AOAH: variants seen among roughly 807,000 people sequenced by gnomAD.
AOAH encodes acyloxyacyl hydrolase.
Under a neutral mutation model 92.2 loss-of-function variants are expected in AOAH, and 64 were observed. That is an observed-to-expected ratio of 0.69 (90% CI 0.57 to 0.86). The LOEUF (loss-of-function observed/expected upper bound fraction) is 0.86. Ranked by LOEUF, AOAH falls within the 40% of genes least tolerant of loss-of-function variation. AOAH has a pLI of 0.00. For missense variants in AOAH, 656 were observed against 694.6 expected (o/e 0.94, Z 0.62); for synonymous variants, 263 against 254.5 (o/e 1.03, Z -0.32).
At position 36,645,224 on chromosome 7, in the gene AOAH, C is replaced by T. The variant is rs192233781; in HGVS notation, c.391-7314G>A. 8.1e-4 allele frequency among the ~76,000 whole-genome samples: 124 copies of T among 152,206 alleles called. 2 individuals carry two copies. Among genetic ancestry groups the T allele is most frequent in the African/African-American group, 2.8e-3 (117 of 41,510 alleles). Reference sequence around the variant, plus strand: ...AGTGATTAGGTCATGAGGCTGGAGCCCTCACAATGGGAGGAGTGCCCTTAT... The same window carrying T: ...AGTGATTAGGTCATGAGGCTGGAGCTCTCACAATGGGAGGAGTGCCCTTAT... On this transcript the variant is annotated intron_variant, in intron 4 of 20. Transcript: ENST00000617537.
intron 12 of AOAH, among the ~76,000 whole-genome samples, chr7:36,591,033 C>T (rs113182197): frequency 7.9e-5 from 12 of 152,330 alleles, no homozygotes; most frequent in African/African-American, 2.2e-4. Context: ...GATGCAGTGT[C>T]ATGCTGCCTC....
At chr7:36,558,627 C>A (rs936303751) in intron 13 of AOAH, among the ~76,000 whole-genome samples, 2 of 152,256 alleles carry the variant, frequency 1.3e-5, no homozygotes, top group African/African-American at 2.4e-5. Flanking sequence ...GTGGGCTCCA[C>A]CCAGTTCGAG....
chr7:36,570,446 G>A (rs962719892), intron 13 of AOAH, among the ~76,000 whole-genome samples: 2 of 152,170 alleles, frequency 1.3e-5, no homozygotes, highest in Admixed American at 6.5e-5. Flanking sequence ...TGGCTGTTGC[G>A]AAGAATGCCT....
intron 11 of AOAH, among the ~76,000 whole-genome samples, chr7:36,610,182 AAT>A: frequency 7.0e-6 from 1 of 142,470 alleles, no homozygotes; most frequent in African/African-American, 2.6e-5. Flanking sequence ...AAAAAAAAAG[AAT>A]CGGTTTAACA....
chr7:36,557,778 G>A (rs1366769911), intron 13 of AOAH, among the ~76,000 whole-genome samples: 6 of 151,958 alleles, frequency 3.9e-5, no homozygotes, highest in African/African-American at 7.2e-5. Flanking sequence ...TGATTGCATC[G>A]GCTCCTGAGG....
intron 2 of AOAH, among the ~76,000 whole-genome samples, chr7:36,685,519 G>T (rs539872338): frequency 1.0e-3 from 155 of 152,194 alleles, no homozygotes; most frequent in African/African-American, 3.4e-3. Context: ...TTCTACAGTT[G>T]TCTTGTTTTT....
At position 36,516,179 on chromosome 7, in the gene AOAH, C is replaced by CACAT. The variant is rs765992221; in HGVS notation, c.1600-2803_1600-2800dup. On this transcript the variant is annotated intron_variant, in intron 20 of 20. Transcript: ENST00000617537. This position sits in a 1 kb window ranked among gnomAD's most constrained non-coding sequence, Gnocchi z 5.0. ...CACACACACCACACACCCCATACCA[C>CACAT]ACATACATACATCTCTCTTATATAC... Among the ~76,000 whole-genome samples, 1 of 149,590 alleles carries CACAT rather than the reference C, an allele frequency of 6.7e-6. No homozygotes were observed.
At position 36,531,092 on chromosome 7, in the gene AOAH, T is replaced by C. The variant is rs74622282; in HGVS notation, c.1426-578A>G. ...TATAAACTTTAGAATGGTTACAACA[T>C]TATGGTGTGGAGAAACAATCTATGA... On this transcript the variant is annotated intron_variant, in intron 18 of 20. Transcript: ENST00000617537. Among the ~76,000 whole-genome samples the C allele has an allele frequency of 3.9e-3, 587 of 152,264 alleles. 7 individuals are homozygous for C. Among genetic ancestry groups the C allele is most frequent in the African/African-American group, 0.014 (573 of 41,538 alleles).
intron 1 of AOAH, among the ~76,000 whole-genome samples, chr7:36,695,744 C>T (rs971291835): frequency 6.6e-6 from 1 of 152,154 alleles, no homozygotes; most frequent in Non-Finnish European, 1.5e-5. Flanking sequence ...AGTATTGCTT[C>T]CAAATCTGTG....
intron 12 of AOAH, among the ~76,000 whole-genome samples, chr7:36,587,343 G>A (rs1789416921): frequency 6.6e-6 from 1 of 151,846 alleles, no homozygotes. Flanking sequence ...GTTGGAAAAG[G>A]GAGGAGCACT....
At chr7:36,722,126 G>C (rs762253251) in intron 1 of AOAH, among the ~76,000 whole-genome samples, 4 of 152,036 alleles carry the variant, frequency 2.6e-5, no homozygotes, top group African/African-American at 9.7e-5. Flanking sequence ...TCCTAACCTC[G>C]GTCACTCCTA....
intron 13 of AOAH, 26 bp from the exon 14 acceptor site, chr7:36,549,501 A>AT (rs1348913946): frequency 6.6e-7 from 1 of 1,522,400 alleles, no homozygotes; most frequent in Non-Finnish European, 9.0e-7. Context: ...TAAGAAAACA[A>AT]TTAAAGTTAG....
chr7:36,585,429 A>G (rs1296747749), intron 12 of AOAH, among the ~76,000 whole-genome samples: 1 of 152,208 alleles, frequency 6.6e-6, no homozygotes, highest in Non-Finnish European at 1.5e-5. Flanking sequence ...ATAAATTGGT[A>G]TAGCCCATTT....
chr7:36,610,254 G>A (rs964491339), intron 11 of AOAH, among the ~76,000 whole-genome samples: 1 of 147,996 alleles, frequency 6.8e-6, no homozygotes, highest in African/African-American at 2.5e-5. Flanking sequence ...GGTCATTACA[G>A]AGCAGCAATA....
rs371757400 is a variant in AOAH at position 36,686,701 on chromosome 7, G to A, written c.221C>T (p.Pro74Leu). 7.6e-5 allele frequency: 116 copies of A among 1,525,362 alleles called. No individual in the cohort carries two copies. Among genetic ancestry groups the A allele is most frequent in the Non-Finnish European group, 1.0e-4 (116 of 1,134,482 alleles). 94.5% of individuals were successfully genotyped at this position (1,525,362 alleles called of 1,614,324 possible). The change falls in exon 2 of 21, where the codon CCT (proline) becomes CTT (leucine). Residue 74 changes from proline (P) to leucine (L), a missense_variant and splice_region_variant. Transcript: ENST00000617537. ...ASMERLCSYL[P>L]EKLFLKTTCY... Reference sequence around the variant, plus strand: ...AGTATGACTCGTCCCATATTTACCAGGCAGGTAGCTGCACAGTCTCTCCAT... The same window carrying A: ...AGTATGACTCGTCCCATATTTACCAAGCAGGTAGCTGCACAGTCTCTCCAT...
intron 1 of AOAH, among the ~76,000 whole-genome samples, chr7:36,688,040 A>G (rs1797146513): frequency 6.6e-6 from 1 of 152,172 alleles, no homozygotes; most frequent in African/African-American, 2.4e-5. Flanking sequence ...CTGACAGTGA[A>G]ATCTGGATTA....
intron 1 of AOAH, among the ~76,000 whole-genome samples, chr7:36,718,897 C>A (rs912259788): frequency 2.0e-5 from 3 of 152,098 alleles, no homozygotes; most frequent in African/African-American, 7.2e-5. Context: ...ATACTAAATG[C>A]CACTTTTACA....
rs1584101246 is a variant in AOAH, at chr7:36,679,710, T to C, written c.224-5701A>G. ...GTCTTGCTCTGTCCCTAGGCTGGAG[T>C]GCAGTGGTGCAATCTCAGCTCACTG... On this transcript the variant is annotated intron_variant, in intron 2 of 20. Transcript: ENST00000617537. Among the ~76,000 whole-genome samples, 3 of 151,930 alleles carry C rather than the reference T, an allele frequency of 2.0e-5. No homozygotes were observed. In the South Asian group the frequency reaches 6.2e-4, roughly 32 times the overall value.
At chr7:36,716,278 A>G (rs1799163461) in intron 1 of AOAH, among the ~76,000 whole-genome samples, 1 of 151,832 alleles carries the variant, frequency 6.6e-6, no homozygotes, top group Non-Finnish European at 1.5e-5. Context: ...ATGAGATACC[A>G]TCTCACACCA....
Sources: gnomAD v4.1 joint callset for allele counts (sites outside exome capture counted in the v4.1 genomes callset) on GRCh38, gnomAD v4.1.1 for gene constraint, Gnocchi (gnomAD v3.1) non-coding constraint, MANE v1.5 for transcripts, NCBI Gene and HGNC (gene_info 2026-07-23, HGNC 2026-07-21) for gene names.